PABIR1: variants seen among roughly 807,000 people sequenced by gnomAD.
The protein encoded by PABIR1 is PP2A Aalpha (PPP2R1A) and B55A (PPP2R2A) interacting phosphatase regulator 1.
A neutral mutation model predicts 14.6 loss-of-function variants in PABIR1; 2 were observed. The observed-to-expected ratio is 0.14, with a 90% CI of 0.06 to 0.43. The LOEUF is 0.43. Ranked by LOEUF, PABIR1 falls within the 20% of genes least tolerant of loss-of-function variation. The probability of loss-of-function intolerance (pLI) is 0.99; values close to 1 mark genes in which losing one functional copy is unlikely to be tolerated. For missense variants in PABIR1, 294 were observed against 379.0 expected, an observed-to-expected ratio of 0.78 and a Z score of 1.86; for synonymous variants, 163 against 155.4, an observed-to-expected ratio of 1.05 and a Z score of -0.36.
In PABIR1 at chr9:68,782,582, T is replaced by C. The variant is rs182485993; in HGVS notation, c.*1554T>C. The C allele has an allele frequency of 6.0e-6, 1 of 167,238 alleles. No homozygotes were observed. The highest frequency in any genetic ancestry group is 6.5e-5 in the Admixed American group (1 of 15,310). The allele number at this position is 167,238 out of a possible 1,614,324, so 10.4% of individuals were successfully genotyped here. On this transcript the variant is annotated 3_prime_UTR_variant, in exon 1 of 1. Coordinates refer to ENST00000394264, the MANE Select transcript of PABIR1 (RefSeq NM_138333.5). ...CAGAGACTTTAACAATTTTGTGGAATTTTTACAACTATGAGAGTAAATGGA... is the reference window on the plus strand; with the variant it reads ...CAGAGACTTTAACAATTTTGTGGAACTTTTACAACTATGAGAGTAAATGGA...
chr9:68,781,414 C>T lies in PABIR1; in HGVS notation c.*386C>T. The T allele has an allele frequency of 5.4e-6, 1 of 185,032 alleles. No homozygotes were observed. Among genetic ancestry groups the T allele is most frequent in the Admixed American group, 5.7e-5 (1 of 17,494 alleles). The allele number at this position is 185,032 out of a possible 1,614,324, so 11.5% of individuals were successfully genotyped here. On this transcript the variant is annotated 3_prime_UTR_variant, in exon 1 of 1. Transcript: ENST00000394264. ...CATAGTAAACTGATGTTTAAAATTC[C>T]ATACTTCATGCCCACACTAATTTTT...
Position 68,780,444 on chromosome 9 carries a change from A to G in PABIR1, c.280A>G (p.Met94Val), listed in dbSNP as rs564014090. Residue 94 changes from methionine (M) to valine (V), a missense_variant, in exon 1 of 1, where the codon ATG becomes GTG. Around this residue, in one of 3 missense-constraint regions of PABIR1, gnomAD observed 103 missense variants for 175.9 expected, o/e 0.59. Transcript: ENST00000394264. ...GCACCAGATCAAACAAGAAGAGGGC[A>G]TGGACTTGATCAACCGAGAGACGGT... is the stretch of plus-strand genomic sequence containing the variant. ...RLHQIKQEEG[M>V]DLINRETVHE... The G allele has an allele frequency of 4.3e-6, 7 of 1,614,226 alleles. No individual in the cohort carries two copies. The African/African-American group carries it at 8.0e-5, about 18-fold the overall frequency.
rs562495496 is a variant in PABIR1, at chr9:68,782,195, A to G, written c.*1167A>G. The G allele has an allele frequency of 6.0e-6, 1 of 167,226 alleles. No homozygotes were observed. The highest frequency in any genetic ancestry group is 2.4e-5 in the African/African-American group (1 of 41,576). The allele number at this position is 167,226 out of a possible 1,614,324, so 10.4% of individuals were successfully genotyped here. On this transcript the variant is annotated 3_prime_UTR_variant, in exon 1 of 1. Coordinates refer to ENST00000394264, the MANE Select transcript of PABIR1 (RefSeq NM_138333.5). ...AACTTGGGTTTCTGACAGCAACAAC[A>G]GGACTGTGAATTGTTTAACCTCTGT...
chr9:68,781,639 A>C lies in PABIR1; in HGVS notation c.*611A>C, dbSNP rs1240254218. 1.2e-5 allele frequency: 2 copies of C among 166,946 alleles called. No individual in the cohort carries two copies. The highest frequency in any genetic ancestry group is 2.9e-5 in the Non-Finnish European group (2 of 68,142). The allele number at this position is 166,946 out of a possible 1,614,324, so 10.3% of individuals were successfully genotyped here. A position where few individuals can be genotyped will look rare whatever the true frequency, so the allele number is the denominator to read the frequency against. ...AAGTTTGAACAAATCTTTTCAAATT[A>C]AGTATATAAAAGTAAACTTTTAAGA... On this transcript the variant is annotated 3_prime_UTR_variant, in exon 1 of 1. Transcript: ENST00000394264.
In PABIR1 at chr9:68,783,153, T is replaced by C. The variant is rs1339881702; in HGVS notation, c.*2125T>C. The C allele has an allele frequency of 1.8e-5, 3 of 167,084 alleles. No individual in the cohort carries two copies. The highest frequency in any genetic ancestry group is 7.2e-5 in the African/African-American group (3 of 41,464). 10.4% of individuals were successfully genotyped at this position (167,084 alleles called of 1,614,324 possible). On this transcript the variant is annotated 3_prime_UTR_variant, in exon 1 of 1. Coordinates refer to ENST00000394264, the MANE Select transcript of PABIR1 (RefSeq NM_138333.5). ...TCGCCCTCTTGCTTGAAAACTTCAC[T>C]TGCTTCCCCATTTCCTACTCTTTAA...
In PABIR1 at chr9:68,785,178, T is replaced by C. The variant is rs754790370; in HGVS notation, c.*4150T>C. ...TGGGTACTAGGTAAAGCCCAGTGTGTGAAGTAGTTAAGGGTTCTGCTGAAA... is the reference window on the plus strand; with the variant it reads ...TGGGTACTAGGTAAAGCCCAGTGTGCGAAGTAGTTAAGGGTTCTGCTGAAA... On this transcript the variant is annotated 3_prime_UTR_variant, in exon 1 of 1. Coordinates refer to ENST00000394264, the MANE Select transcript of PABIR1 (RefSeq NM_138333.5). Among the ~76,000 whole-genome samples, 4 of 152,142 alleles carry C rather than the reference T, an allele frequency of 2.6e-5. No homozygotes were observed. The highest frequency in any genetic ancestry group is 5.9e-5 in the Non-Finnish European group (4 of 68,036).
rs1344099489 is a variant in PABIR1 at position 68,780,396 on chromosome 9, G to C, written c.232G>C (p.Val78Leu). The C allele has an allele frequency of 6.2e-7, 1 of 1,613,794 alleles. No homozygotes were observed. Among genetic ancestry groups the C allele is most frequent in the Non-Finnish European group, 8.5e-7 (1 of 1,180,052 alleles). Residue 78 changes from valine to leucine, a missense_variant, in exon 1 of 1, where the codon GTC becomes CTC. This residue lies in a region of PABIR1 where 103 missense variants were observed against 175.9 expected (regional missense o/e 0.59). Coordinates refer to ENST00000394264, the MANE Select transcript of PABIR1 (RefSeq NM_138333.5). ...RHGLLLPASP[V>L]RMHSSRLHQI... is the part of the protein sequence containing the mutation. ...CGGCCTGCTGCTGCCGGCCTCCCCT[G>C]TCCGCATGCACAGCAGCCGCTTGCA... is the stretch of plus-strand genomic sequence containing the variant.
chr9:68,783,276 C>T lies in PABIR1; in HGVS notation c.*2248C>T, dbSNP rs1418505983. On this transcript the variant is annotated 3_prime_UTR_variant, in exon 1 of 1. Transcript: ENST00000394264. ...TCCTCATCTCTGTTCCAGTATACAT[C>T]TTTCCTTCTTATTCTGCAAACATTA... is the stretch of plus-strand genomic sequence containing the variant. 6.0e-6 allele frequency: 1 copy of T among 166,852 alleles called. No individual in the cohort carries two copies. Among genetic ancestry groups the T allele is most frequent in the Non-Finnish European group, 1.5e-5 (1 of 68,114 alleles). 10.3% of individuals were successfully genotyped at this position (166,852 alleles called of 1,614,324 possible).
Position 68,785,549 on chromosome 9 carries a change from C to T in PABIR1, c.*4521C>T, listed in dbSNP as rs895106629. On this transcript the variant is annotated 3_prime_UTR_variant, in exon 1 of 1. Transcript: ENST00000394264. ...CCTTTGTATAAAAAGTAATAAAATA[C>T]TTGCTATGTGTCAGGGACTGTTCTA... is the stretch of plus-strand genomic sequence containing the variant. Among the ~76,000 whole-genome samples, 1 of 152,192 alleles carries T rather than the reference C, an allele frequency of 6.6e-6. No homozygotes were observed. Among genetic ancestry groups the T allele is most frequent in the Non-Finnish European group, 1.5e-5 (1 of 68,036 alleles).
Position 68,780,220 on chromosome 9 carries a change from G to T in PABIR1, c.56G>T (p.Ser19Ile), listed in dbSNP as rs200501115. 117 of 1,540,554 alleles carry T rather than the reference G, an allele frequency of 7.6e-5. 1 individual carries two copies. The Admixed American group carries it at 2.4e-3, about 32-fold the overall frequency. Residue 19 changes from serine to isoleucine, a missense_variant, in exon 1 of 1, where the codon AGC becomes ATC. Ser to Ile is a moderately radical substitution (Grantham distance 142, BLOSUM62 -2). Transcript: ENST00000394264. ...DLELPPGTGGSPAEGGGSGGG... is the reference protein window; with the variant it reads ...DLELPPGTGGIPAEGGGSGGG... ...GAGCTGCCTCCGGGTACGGGCGGGA[G>T]CCCGGCGGAGGGCGGTGGCAGCGGC...
rs1308965772 is a variant in PABIR1, at chr9:68,780,100, G to T, written c.-65G>T. The T allele has an allele frequency of 1.4e-6, 2 of 1,470,740 alleles. No homozygotes were observed. The highest frequency in any genetic ancestry group is 1.5e-5 in the African/African-American group (1 of 68,730). The allele number at this position is 1,470,740 out of a possible 1,614,324, so 91.1% of individuals were successfully genotyped here. ...TGGCGGCGGCAGCGGCGGCGGCCCT[G>T]GACTGCGGGGAATGGGAATCCTAGG... On this transcript the variant is annotated 5_prime_UTR_variant, in exon 1 of 1. Coordinates refer to ENST00000394264, the MANE Select transcript of PABIR1 (RefSeq NM_138333.5).
rs1445413243 is a variant in PABIR1 at position 68,781,131 on chromosome 9, AC to A, written c.*107del. The A allele has an allele frequency of 1.6e-5, 23 of 1,441,946 alleles. No individual in the cohort carries two copies. Among genetic ancestry groups the A allele is most frequent in the Non-Finnish European group, 2.2e-5 (23 of 1,068,292 alleles). 89.3% of individuals were successfully genotyped at this position (1,441,946 alleles called of 1,614,324 possible). The stretch of plus-strand genomic sequence containing the variant: ...TTAATTTGAGGCTATTTCCTATTTG[AC>A]CCCTTTTCTTTTTTGAAATTCCCTG... On this transcript the variant is annotated 3_prime_UTR_variant, in exon 1 of 1. Coordinates refer to ENST00000394264, the MANE Select transcript of PABIR1 (RefSeq NM_138333.5).
Position 68,780,964 on chromosome 9 carries a change from C to CT in PABIR1, c.801dup (p.Pro268SerfsTer16), listed in dbSNP as rs773139435. On this transcript the variant is annotated frameshift_variant, in exon 1 of 1. Coordinates refer to ENST00000394264, the MANE Select transcript of PABIR1 (RefSeq NM_138333.5). LOFTEE classifies it high-confidence loss of function. ...GCGAAAGTCAGCACTACCACCGACT[C>CT]TCCTGTGTCACCTGCCCAAGCGGCT... 3 of 1,614,216 alleles carry CT rather than the reference C, an allele frequency of 1.9e-6. No individual in the cohort carries two copies. Among genetic ancestry groups the CT allele is most frequent in the Non-Finnish European group, 2.5e-6 (3 of 1,180,034 alleles).
In PABIR1 at chr9:68,784,393, A is replaced by ATT. The variant is rs550299968; in HGVS notation, c.*3365_*3366insTT. ...ATTATGCTTGTTAAAAACACAGTAT[A>ATT]AATGGGAGAAATCATTAAAGATCAT... On this transcript the variant is annotated 3_prime_UTR_variant, in exon 1 of 1. Transcript: ENST00000394264. The ATT allele has an allele frequency of 6.2e-4, 103 of 167,222 alleles. No homozygotes were observed. The highest frequency in any genetic ancestry group is 2.7e-3 in the South Asian group (13 of 4,830). 10.4% of individuals were successfully genotyped at this position (167,222 alleles called of 1,614,324 possible). A position where few individuals can be genotyped will look rare whatever the true frequency, so the allele number is the denominator to read the frequency against.
At position 68,780,322 on chromosome 9, in the gene PABIR1, C is replaced by T. The variant is rs1431982358; in HGVS notation, c.158C>T (p.Ala53Val). ...GLSDTSPVFQAEAPSARRNST... is the reference protein window; with the variant it reads ...GLSDTSPVFQVEAPSARRNST... ...AGTGACACTTCGCCGGTGTTCCAGG[C>T]CGAGGCGCCGAGCGCCAGGCGGAAC... The change falls in exon 1 of 1, where the codon GCC (alanine) becomes GTC (valine). Residue 53 changes from alanine to valine, a missense_variant. Ala to Val is a moderately conservative substitution (Grantham distance 64). Coordinates refer to ENST00000394264, the MANE Select transcript of PABIR1 (RefSeq NM_138333.5). 1.2e-6 allele frequency: 2 copies of T among 1,604,186 alleles called. No homozygotes were observed. The highest frequency in any genetic ancestry group is 1.7e-6 in the Non-Finnish European group (2 of 1,175,300).
Position 68,780,493 on chromosome 9 carries a change from C to A in PABIR1, c.329C>A (p.Ala110Glu), listed in dbSNP as rs1831201881. ...GTCCACGAACGGGAGGTGCAGACCG[C>A]AATGCAGATAAGCCACTCCTGGGAG... ...ETVHEREVQTAMQISHSWEES... is the reference protein window; with the variant it reads ...ETVHEREVQTEMQISHSWEES... The change falls in exon 1 of 1, where the codon GCA becomes GAA. Residue 110 changes from alanine (A) to glutamate (E), a missense_variant. Around this residue, in one of 3 missense-constraint regions of PABIR1, gnomAD observed 103 missense variants for 175.9 expected, o/e 0.59. Coordinates refer to ENST00000394264, the MANE Select transcript of PABIR1 (RefSeq NM_138333.5). The A allele has an allele frequency of 6.2e-7, 1 of 1,614,244 alleles. No homozygotes were observed. Among genetic ancestry groups the A allele is most frequent in the Non-Finnish European group, 8.5e-7 (1 of 1,180,044 alleles).
In PABIR1 at chr9:68,782,818, A is replaced by G. The variant is rs1412988; in HGVS notation, c.*1790A>G. The G allele has an allele frequency of 0.92, 154,120 of 167,156 alleles. 71,218 individuals carry two copies. The highest frequency in any genetic ancestry group is 0.95 in the Admixed American group (14,551 of 15,308). The allele number at this position is 167,156 out of a possible 1,614,324, so 10.4% of individuals were successfully genotyped here. On this transcript the variant is annotated 3_prime_UTR_variant, in exon 1 of 1. Coordinates refer to ENST00000394264, the MANE Select transcript of PABIR1 (RefSeq NM_138333.5). The stretch of plus-strand genomic sequence containing the variant: ...AGGTATTTGAACTTCATTATCTTCA[A>G]CACAGGAATTGTTAATCTTCTCACT...
In PABIR1 at chr9:68,783,784, C is replaced by T. The variant is rs1216842782; in HGVS notation, c.*2756C>T. On this transcript the variant is annotated 3_prime_UTR_variant, in exon 1 of 1. Transcript: ENST00000394264. ...CTTCCTAACTCCCACTTGTGCTCCT[C>T]ACACTCACTCTGGTCGGCTATCCAT... is the stretch of plus-strand genomic sequence containing the variant. The T allele has an allele frequency of 6.0e-6, 1 of 167,030 alleles. No individual in the cohort carries two copies. The highest frequency in any genetic ancestry group is 1.9e-4 in the East Asian group (1 of 5,204). 10.3% of individuals were successfully genotyped at this position (167,030 alleles called of 1,614,324 possible). A position where few individuals can be genotyped will look rare whatever the true frequency, so the allele number is the denominator to read the frequency against.
rs1269609953 is a variant in PABIR1 at position 68,783,203 on chromosome 9, A to G, written c.*2175A>G. On this transcript the variant is annotated 3_prime_UTR_variant, in exon 1 of 1. Transcript: ENST00000394264. Reference sequence around the variant, plus strand: ...AGGAATGATTTCTTTAGCCTCAGATAGAAGGACCTTTATGATCTGGCCATA... The same window carrying G: ...AGGAATGATTTCTTTAGCCTCAGATGGAAGGACCTTTATGATCTGGCCATA... 2 of 167,074 alleles carry G rather than the reference A, an allele frequency of 1.2e-5. No individual in the cohort carries two copies. Among genetic ancestry groups the G allele is most frequent in the Non-Finnish European group, 1.5e-5 (1 of 68,116 alleles). The allele number at this position is 167,074 out of a possible 1,614,324, so 10.3% of individuals were successfully genotyped here.
Sources: allele counts gnomAD v4.1 joint callset (sites outside exome capture counted in the v4.1 genomes callset), GRCh38; gene constraint gnomAD v4.1.1; regional missense constraint gnomAD v4.1.1; transcripts MANE v1.5; gene names NCBI Gene and HGNC (gene_info 2026-07-23, HGNC 2026-07-21).